The following QTMAN variants were observed in gnomAD, a reference collection of about 807,000 sequenced individuals.
The protein encoded by QTMAN is tRNA-queuosine alpha-mannosyltransferase.
the QTMAN span, among the ~76,000 whole-genome samples, chr2:144,000,812 G>A: frequency 6.6e-6 from 1 of 151,956 alleles, no homozygotes; most frequent in Non-Finnish European, 1.5e-5. Context: ...ATTCTGTGAC[G>A]ATCATTCTTC....
chr2:144,141,940 TG>T, the QTMAN span: 1 of 1,611,744 alleles, frequency 6.2e-7, no homozygotes, highest in Non-Finnish European at 8.5e-7. Context: ...GGTCTGATGA[TG>T]CTTTCCAGAT....
the QTMAN span, among the ~76,000 whole-genome samples, chr2:144,188,345 T>A: frequency 6.6e-6 from 1 of 152,154 alleles, no homozygotes; most frequent in Non-Finnish European, 1.5e-5. Flanking sequence ...AAACACAGAC[T>A]ACATCTTAAC....
the QTMAN span, among the ~76,000 whole-genome samples, chr2:143,984,369 C>G: frequency 6.6e-6 from 1 of 152,068 alleles, no homozygotes; most frequent in Non-Finnish European, 1.5e-5. Context: ...AGAGATGATA[C>G]CCTTAGATTT....
At chr2:144,054,057 G>A in the QTMAN span, among the ~76,000 whole-genome samples, 3 of 151,914 alleles carry the variant, frequency 2.0e-5, no homozygotes, top group Non-Finnish European at 4.4e-5. Context: ...GCGGGGTGGT[G>A]GGCGCCTGTA....
chr2:144,020,663 T>G, the QTMAN span, among the ~76,000 whole-genome samples: 3 of 152,132 alleles, frequency 2.0e-5, no homozygotes, highest in African/African-American at 4.8e-5. Context: ...CCCTAGAGGT[T>G]TGAGCAGTGG....
chr2:144,242,493 CAG>C, the QTMAN span, among the ~76,000 whole-genome samples: 1 of 152,142 alleles, frequency 6.6e-6, no homozygotes, highest in Non-Finnish European at 1.5e-5. Context: ...GCTTCTGACT[CAG>C]GGCACATGGA....
chr2:144,020,905 A>T, the QTMAN span, among the ~76,000 whole-genome samples: 4 of 110,138 alleles, frequency 3.6e-5, 1 homozygote, highest in South Asian at 1.3e-3. Context: ...AAATATAACT[A>T]AAAAAAAAAT....
the QTMAN span, among the ~76,000 whole-genome samples, chr2:144,321,756 C>T: frequency 6.6e-6 from 1 of 152,070 alleles, no homozygotes; most frequent in Non-Finnish European, 1.5e-5. Flanking sequence ...GTGTACACTA[C>T]CACACCGGGC....
the QTMAN span, among the ~76,000 whole-genome samples, chr2:143,948,638 A>G: frequency 1.3e-5 from 2 of 152,124 alleles, no homozygotes; most frequent in African/African-American, 4.8e-5. Context: ...AAATATAATG[A>G]TCAGGGTTCT....
At chr2:144,049,974 TAA>T in the QTMAN span, among the ~76,000 whole-genome samples, 1 of 152,070 alleles carries the variant, frequency 6.6e-6, no homozygotes, top group Non-Finnish European at 1.5e-5. Context: ...AAGGAAGAAA[TAA>T]AGAGTTATAA....
the QTMAN span, among the ~76,000 whole-genome samples, chr2:144,288,370 A>C: frequency 6.6e-6 from 1 of 152,232 alleles, no homozygotes; most frequent in South Asian, 2.1e-4. Context: ...AAAGGCTTAA[A>C]AATATACTTT....
At chr2:144,043,744 T>C in the QTMAN span, among the ~76,000 whole-genome samples, 2 of 152,154 alleles carry the variant, frequency 1.3e-5, no homozygotes, top group African/African-American at 2.4e-5. Flanking sequence ...ATTAAGTTAT[T>C]AGTGAACAGA....
the QTMAN span, among the ~76,000 whole-genome samples, chr2:144,251,717 AG>A: frequency 6.6e-6 from 1 of 152,204 alleles, no homozygotes; most frequent in African/African-American, 2.4e-5. Flanking sequence ...ACAAAAAAAA[AG>A]TTGTTAAGCT....
chr2:144,316,063 C>T, the QTMAN span, among the ~76,000 whole-genome samples: 104 of 152,240 alleles, frequency 6.8e-4, no homozygotes, highest in Admixed American at 2.9e-3. Flanking sequence ...GGCAACATGG[C>T]GAGACCTAAT....
the QTMAN span, among the ~76,000 whole-genome samples, chr2:144,309,166 T>A: frequency 6.6e-6 from 1 of 152,206 alleles, no homozygotes; most frequent in African/African-American, 2.4e-5. Flanking sequence ...ATATTGCTAG[T>A]GAGTATGATA....
the QTMAN span, among the ~76,000 whole-genome samples, chr2:144,228,989 C>T: frequency 6.6e-6 from 1 of 152,050 alleles, no homozygotes; most frequent in South Asian, 2.1e-4. Flanking sequence ...GATTACAAAA[C>T]AACAGTATTT....
the QTMAN span, among the ~76,000 whole-genome samples, chr2:144,046,378 A>G: frequency 2.6e-5 from 4 of 152,208 alleles, no homozygotes. Flanking sequence ...AAGGTTAGAT[A>G]TGATCCACTA....
chr2:144,186,377 G>C, the QTMAN span, among the ~76,000 whole-genome samples: 4 of 152,128 alleles, frequency 2.6e-5, no homozygotes, highest in African/African-American at 9.7e-5. Flanking sequence ...TGTAGAGGGT[G>C]GAAGTCCCTC....
the QTMAN span, among the ~76,000 whole-genome samples, chr2:144,104,897 T>C: frequency 6.6e-6 from 1 of 152,168 alleles, no homozygotes; most frequent in Non-Finnish European, 1.5e-5. Context: ...CAGGTAACCC[T>C]CTGAGACGAA....
Sources: allele counts gnomAD v4.1 joint callset (sites outside exome capture counted in the v4.1 genomes callset), GRCh38; gene constraint gnomAD v4.1.1; transcripts MANE v1.5; gene names NCBI Gene and HGNC (gene_info 2026-07-23, HGNC 2026-07-21).